The following HERC2 variants were observed in gnomAD, a reference collection of about 807,000 sequenced individuals.
HERC2 encodes the protein E3 ubiquitin-protein ligase HERC2.
Under a neutral mutation model 537.7 loss-of-function variants are expected in HERC2, and 102 were observed. The ratio of observed to expected loss-of-function variants is 0.19; its 90% CI spans 0.16 to 0.22. The LOEUF (loss-of-function observed/expected upper bound fraction) is 0.22. Ranked by LOEUF, HERC2 falls within the 10% of genes least tolerant of loss-of-function variation. HERC2 has a pLI of 1.00. For missense variants in HERC2, 4,236 were observed against 6,198.2 expected (o/e 0.68, Z 10.63); for synonymous variants, 2,224 against 2,466.2 (o/e 0.90, Z 2.91).
intron 57 of HERC2, among the ~76,000 whole-genome samples, chr15:28,181,439 A>G (rs1044176623): frequency 1.6e-4 from 25 of 152,346 alleles, no homozygotes; most frequent in African/African-American, 5.8e-4. Flanking sequence ...GACTGCTCCA[A>G]TACAGATAAA....
At chr15:28,175,798 A>G in intron 63 of HERC2, 142 bp from the exon 64 acceptor site, 1 of 779,740 alleles carries the variant, frequency 1.3e-6, no homozygotes, top group Non-Finnish European at 2.1e-6. Context: ...ACTTGTATTC[A>G]AAATCATACA....
chr15:28,271,956 G>A (rs1424240760), intron 9 of HERC2: 16 of 499,738 alleles, frequency 3.2e-5, no homozygotes, highest in East Asian at 1.7e-4. Flanking sequence ...CGCTATTTTC[G>A]TTGTTCTTTT....
chr15:28,288,667 G>GA (rs1490578931), intron 4 of HERC2, among the ~76,000 whole-genome samples: 2 of 151,372 alleles, frequency 1.3e-5, no homozygotes, highest in African/African-American at 4.9e-5. Context: ...CAAACACAGT[G>GA]AAACCCTGTC....
chr15:28,262,872 A>G, intron 15 of HERC2, 46 bp downstream of exon 15: 1 of 1,569,592 alleles, frequency 6.4e-7, no homozygotes, highest in Non-Finnish European at 8.6e-7. Context: ...AAACATTACT[A>G]AAGAAACTGT....
At chr15:28,151,283 C>A (rs1892422125) in intron 70 of HERC2, among the ~76,000 whole-genome samples, 2 of 151,836 alleles carry the variant, frequency 1.3e-5, no homozygotes, top group African/African-American at 4.8e-5. Context: ...AAGTACAGAC[C>A]CCATACTTTT....
chr15:28,301,735 G>GTA (rs55977156), intron 2 of HERC2, among the ~76,000 whole-genome samples: 91 of 35,266 alleles, frequency 2.6e-3, no homozygotes, highest in South Asian at 6.9e-3. Context: ...GTATGTATGT[G>GTA]TATATATATA....
chr15:28,260,725 A>T, intron 16 of HERC2, 52 bp downstream of exon 16: 1 of 1,525,548 alleles, frequency 6.6e-7, no homozygotes, highest in South Asian at 1.2e-5. Context: ...GGTAATGAAC[A>T]ACTGGAAACC....
rs746590164 is a variant in HERC2 at position 28,167,867 on chromosome 15, A to G, written c.10414-40T>C. ...CACAGTAGGGGAAGTTTAAGTGGAA[A>G]AACTCAGCAACATAACACATTTCCT... On this transcript the variant is annotated intron_variant, in intron 67 of 92. Transcript: ENST00000261609. 2.5e-6 allele frequency: 4 copies of G among 1,572,364 alleles called. No individual in the cohort carries two copies. The South Asian group carries it at 4.7e-5, about 18-fold the overall frequency.
At chr15:28,144,934 A>G (rs1391111029) in intron 71 of HERC2, 130 bp from the exon 72 acceptor site, 1 of 1,134,476 alleles carries the variant, frequency 8.8e-7, no homozygotes, top group Non-Finnish European at 1.3e-6. Flanking sequence ...AAGCTCTCCC[A>G]AGCCGAAGTG....
intron 35 of HERC2, among the ~76,000 whole-genome samples, chr15:28,227,352 C>A (rs1244347380): frequency 1.3e-5 from 2 of 150,112 alleles, no homozygotes; most frequent in Non-Finnish European, 2.9e-5. Context: ...AAATGGCCAA[C>A]AAGCACAAAC....
intron 2 of HERC2, among the ~76,000 whole-genome samples, chr15:28,311,333 T>C (rs1299048607): frequency 1.1e-3 from 169 of 152,224 alleles, no homozygotes; most frequent in African/African-American, 4.0e-3. Context: ...GGCGTGGTGG[T>C]ACGCACCTGT....
At chr15:28,230,691 T>C (rs1244379819) in intron 30 of HERC2, among the ~76,000 whole-genome samples, 191 bp from the exon 31 acceptor site, 1 of 151,438 alleles carries the variant, frequency 6.6e-6, no homozygotes, top group Non-Finnish European at 1.5e-5. Context: ...AAAGTGAGAG[T>C]GCGACGAGGG....
intron 69 of HERC2, among the ~76,000 whole-genome samples, chr15:28,154,770 TA>T (rs1222599354): frequency 2.0e-5 from 3 of 152,354 alleles, no homozygotes; most frequent in Admixed American, 6.5e-5. Flanking sequence ...TTTATATATA[TA>T]TTTTTTTATT....
At chr15:28,170,366 C>A (rs1894568895) in intron 65 of HERC2, among the ~76,000 whole-genome samples, 2 of 152,164 alleles carry the variant, frequency 1.3e-5, no homozygotes, top group Non-Finnish European at 2.9e-5. Flanking sequence ...CAGAACCACA[C>A]AAATATGCCT....
chr15:28,318,916 A>G (rs1363130711), intron 2 of HERC2, among the ~76,000 whole-genome samples: 8 of 150,748 alleles, frequency 5.3e-5, no homozygotes, highest in African/African-American at 1.7e-4. Context: ...GCTAAGAAAC[A>G]TCTTCCTATC....
At chr15:28,210,202 C>T (rs369545106) in intron 44 of HERC2, among the ~76,000 whole-genome samples, 7 of 152,144 alleles carry the variant, frequency 4.6e-5, no homozygotes, top group South Asian at 4.2e-4. Flanking sequence ...GGCGCCATCT[C>T]GGCTCACTGT....
In HERC2 at chr15:28,130,505, G is replaced by C; in HGVS notation, c.12660C>G (p.Thr4220=). ...TAAACAAACAGAATCTTGCGTACCAGGTATAAACAGCTCCAGATTTGGTAA... is the reference window on the plus strand; with the variant it reads ...TAAACAAACAGAATCTTGCGTACCACGTATAAACAGCTCCAGATTTGGTAA... ...VALTKSGAVY[T]WGKGDYHRLG... The change falls in exon 82 of 93, where the codon ACC becomes ACG. Residue 4220 remains threonine, a splice_region_variant and synonymous_variant. Coordinates refer to ENST00000261609, the MANE Select transcript of HERC2 (RefSeq NM_004667.6). The C allele has an allele frequency of 1.2e-6, 2 of 1,613,268 alleles. No individual in the cohort carries two copies. The highest frequency in any genetic ancestry group is 1.7e-6 in the Non-Finnish European group (2 of 1,179,278).
chr15:28,258,021 A>G (rs1424852008), intron 16 of HERC2, among the ~76,000 whole-genome samples: 1 of 152,146 alleles, frequency 6.6e-6, no homozygotes, highest in East Asian at 1.9e-4. Context: ...AATGTTCACT[A>G]AGAGAGAACA....
chr15:28,297,619 G>A (rs2076504480), intron 3 of HERC2, among the ~76,000 whole-genome samples: 1 of 151,896 alleles, frequency 6.6e-6, no homozygotes, highest in South Asian at 2.1e-4. Flanking sequence ...AGAAGAACCC[G>A]ACTACGTGAT....
Sources: gnomAD v4.1 joint callset for allele counts (sites outside exome capture counted in the v4.1 genomes callset) on GRCh38, gnomAD v4.1.1 for gene constraint, MANE v1.5 for transcripts, NCBI Gene and HGNC (gene_info 2026-07-23, HGNC 2026-07-21) for gene names.